Variants in COL4A3 observed in about 807,000 individuals in gnomAD.
The protein encoded by COL4A3 is collagen type IV alpha 3 chain, also known as collagen alpha-3(IV) chain.
A neutral mutation model predicts 217.4 loss-of-function variants in COL4A3; 135 were observed. The observed-to-expected ratio is 0.62, with a 90% CI of 0.54 to 0.72. The LOEUF (loss-of-function observed/expected upper bound fraction) is 0.72. COL4A3 is among the 30% of genes least tolerant of loss of function. The pLI, the probability that COL4A3 is intolerant of heterozygous loss-of-function variation, is 0.00. For synonymous variants in COL4A3, 690 were observed against 736.3 expected, an observed-to-expected ratio of 0.94 and a Z score of 1.02; for missense variants, 1,868 against 2,119.9, an observed-to-expected ratio of 0.88 and a Z score of 2.33.
intron 1 of COL4A3, among the ~76,000 whole-genome samples, chr2:227,197,611 C>T (rs936446151): frequency 6.6e-5 from 10 of 151,992 alleles, no homozygotes; most frequent in African/African-American, 1.9e-4. Context: ...TAGAATTGAC[C>T]ATGTTTATGT....
At chr2:227,257,688 T>G (rs1432839549) in intron 18 of COL4A3, 44 bp downstream of exon 18, 1 of 1,560,700 alleles carries the variant, frequency 6.4e-7, no homozygotes, top group Admixed American at 1.7e-5. Flanking sequence ...TTTGATCAAG[T>G]TCTTTAAAGT....
At chr2:227,257,201 T>G (rs568434274) in intron 17 of COL4A3, among the ~76,000 whole-genome samples, 1 of 152,218 alleles carries the variant, frequency 6.6e-6, no homozygotes, top group Non-Finnish European at 1.5e-5. Context: ...TCACTTCCAG[T>G]AGAATTCTGA....
At chr2:227,203,251 GTATATATACATATA>G (rs1318629555) in intron 1 of COL4A3, among the ~76,000 whole-genome samples, 3 of 32,872 alleles carry the variant, frequency 9.1e-5, no homozygotes, top group Non-Finnish European at 1.2e-4. Flanking sequence ...ATACATATAT[GTATATATACATATA>G]TGTGTATATA....
intron 34 of COL4A3, among the ~76,000 whole-genome samples, chr2:227,287,479 A>T (rs2072408392): frequency 6.6e-6 from 1 of 152,130 alleles, no homozygotes; most frequent in African/African-American, 2.4e-5. Context: ...GCCATACAAA[A>T]CCAAGCCAGA....
chr2:227,164,683 C>T lies in COL4A3; in HGVS notation c.-44C>T, dbSNP rs1398985980. ...GCAGGAGACGCGGTGGCCTGAGAGCCTGAGGGTCCCCGGACTCGCCCAGGC... is the reference window on the plus strand; with the variant it reads ...GCAGGAGACGCGGTGGCCTGAGAGCTTGAGGGTCCCCGGACTCGCCCAGGC... On this transcript the variant is annotated 5_prime_UTR_variant, in exon 1 of 52. Coordinates refer to ENST00000396578, the MANE Select transcript of COL4A3 (RefSeq NM_000091.5). This position sits in a 1 kb window ranked among gnomAD's most constrained non-coding sequence, Gnocchi z 4.8. 1.3e-6 allele frequency: 2 copies of T among 1,530,222 alleles called. No homozygotes were observed. The highest frequency in any genetic ancestry group is 1.7e-6 in the Non-Finnish European group (2 of 1,144,970). 94.8% of individuals were successfully genotyped at this position (1,530,222 alleles called of 1,614,324 possible).
chr2:227,167,267 G>A lies in COL4A3; in HGVS notation c.87+2454G>A, dbSNP rs76771018. ...TTTCTCAAAACAGGGAAATAGCAGCGGTGTTGACTCTACATGCTAAGTTTG... is the reference window on the plus strand; with the variant it reads ...TTTCTCAAAACAGGGAAATAGCAGCAGTGTTGACTCTACATGCTAAGTTTG... On this transcript the variant is annotated intron_variant, in intron 1 of 51. Transcript: ENST00000396578. Among the ~76,000 whole-genome samples the A allele has an allele frequency of 1.7e-4, 26 of 152,314 alleles. No individual in the cohort carries two copies. In the East Asian group the frequency reaches 4.2e-3, roughly 25 times the overall value.
chr2:227,297,689 G>C lies in COL4A3; in HGVS notation c.3581G>C (p.Arg1194Thr). ...NPGAQGAKGD[R>T]GAPGFPGLPG... ...TTCTTTGCAGGAGCCAAAGGAGACA[G>C]GGGAGCCCCAGGTTTTCCTGGCCTC... The change falls in exon 42 of 52, where the codon AGG (arginine) becomes ACG (threonine). Residue 1194 changes from arginine (R) to threonine (T), a missense_variant. Physicochemically the swap from Arg to Thr is moderately conservative, Grantham distance 71. This residue lies in a region of COL4A3 where 1,503 missense variants were observed against 1,786.1 expected (regional missense o/e 0.84). Transcript: ENST00000396578. The C allele has an allele frequency of 1.9e-6, 3 of 1,608,544 alleles. No homozygotes were observed. Among genetic ancestry groups the C allele is most frequent in the Non-Finnish European group, 2.5e-6 (3 of 1,178,116 alleles).
At chr2:227,218,830 A>G (rs753037728) in intron 1 of COL4A3, among the ~76,000 whole-genome samples, 6 of 152,196 alleles carry the variant, frequency 3.9e-5, no homozygotes, top group Non-Finnish European at 7.4e-5. Context: ...AAATTATTTT[A>G]TATTTGTTTA....
rs1198808322 is a variant in COL4A3 at position 227,298,710 on chromosome 2, G to A, written c.3780G>A (p.Gly1260=). 2 of 1,614,032 alleles carry A rather than the reference G, an allele frequency of 1.2e-6. No individual in the cohort carries two copies. The highest frequency in any genetic ancestry group is 2.2e-5 in the South Asian group (2 of 91,064). ...PGAPGPPGPP[G]SHVIGIKGDK... ...CGCCTGGTCCCCCTGGACCTCCAGG[G>A]AGTCATGTAATAGGCATAAAAGGAG... Residue 1260 remains glycine (G), a synonymous_variant, in exon 43 of 52, where the codon GGG becomes GGA. Coordinates refer to ENST00000396578, the MANE Select transcript of COL4A3 (RefSeq NM_000091.5).
intron 6 of COL4A3, 114 bp downstream of exon 6, chr2:227,246,130 A>G (rs2069325276): frequency 1.2e-6 from 1 of 805,422 alleles, no homozygotes; most frequent in Admixed American, 2.0e-5. Context: ...CCTTTAGGCC[A>G]GAACCAACAG....
intron 1 of COL4A3, among the ~76,000 whole-genome samples, chr2:227,219,663 A>G (rs58795142): frequency 0.18 from 26,737 of 152,110 alleles, 2,994 homozygotes; most frequent in East Asian, 0.57. Context: ...TTACATGCTT[A>G]TCTCCCCATA....
intron 37 of COL4A3, among the ~76,000 whole-genome samples, chr2:227,291,580 C>CAAAAAAAAAAAA (rs1212189875): frequency 3.2e-5 from 1 of 31,598 alleles, no homozygotes; most frequent in Admixed American, 3.8e-4. Flanking sequence ...AAAAAAAAAA[C>CAAAAAAAAAAAA]AAAAAAAAAA....
At chr2:227,217,031 C>T (rs1259213346) in intron 1 of COL4A3, among the ~76,000 whole-genome samples, 1 of 152,146 alleles carries the variant, frequency 6.6e-6, no homozygotes, top group Non-Finnish European at 1.5e-5. Flanking sequence ...ATACCCAAGA[C>T]TGGGTACTTT....
chr2:227,276,557 A>G, intron 27 of COL4A3, 80 bp downstream of exon 27: 1 of 1,066,786 alleles, frequency 9.4e-7, no homozygotes, highest in Non-Finnish European at 1.4e-6. Context: ...TACTGTCCCC[A>G]TTATAAGGAA....
chr2:227,201,709 A>T (rs2125738007), intron 1 of COL4A3, among the ~76,000 whole-genome samples: 1 of 152,328 alleles, frequency 6.6e-6, no homozygotes, highest in South Asian at 2.1e-4. Flanking sequence ...AACAGAAAGG[A>T]TTCTGAATGG....
rs1298640480 is a variant in COL4A3 at position 227,312,929 on chromosome 2, A to C, written c.*1059A>C. 2 of 149,538 alleles carry C rather than the reference A, an allele frequency of 1.3e-5. No individual in the cohort carries two copies. The highest frequency in any genetic ancestry group is 3.0e-5 in the Non-Finnish European group (2 of 66,958). 9.3% of individuals were successfully genotyped at this position (149,538 alleles called of 1,614,324 possible). On this transcript the variant is annotated 3_prime_UTR_variant, in exon 52 of 52. Transcript: ENST00000396578. ...TACTTCTCTAATTCTTCCTTTGTAA[A>C]AAAAAAAAAAAGCAACACTTTTTAT...
chr2:227,218,009 A>ATATAACTATATATAGTCACATATATAGT (rs71036168), intron 1 of COL4A3, among the ~76,000 whole-genome samples: 8,880 of 146,376 alleles, frequency 0.061, 463 homozygotes, highest in Admixed American at 0.095. Context: ...TTCAAACTCC[A>ATATAACTATATATAGTCACATATATAGT]TATAACTATA....
intron 1 of COL4A3, among the ~76,000 whole-genome samples, chr2:227,194,455 C>A (rs1228417264): frequency 6.6e-6 from 1 of 152,084 alleles, no homozygotes; most frequent in East Asian, 1.9e-4. Context: ...AGGCCCTGAC[C>A]TCGCTCTGCT....
intron 1 of COL4A3, among the ~76,000 whole-genome samples, chr2:227,237,604 G>T (rs1287598144): frequency 6.6e-6 from 1 of 152,052 alleles, no homozygotes; most frequent in African/African-American, 2.4e-5. Flanking sequence ...GATTCAATTA[G>T]ATATTATCCT....
Sources: allele counts gnomAD v4.1 joint callset (sites outside exome capture counted in the v4.1 genomes callset), GRCh38; gene constraint gnomAD v4.1.1; regional missense constraint gnomAD v4.1.1; non-coding constraint Gnocchi (gnomAD v3.1); transcripts MANE v1.5; gene names NCBI Gene and HGNC (gene_info 2026-07-23, HGNC 2026-07-21).